CADM1: variants seen among roughly 807,000 people sequenced by gnomAD.
CADM1 encodes TSLC-1.
In CADM1, 15 loss-of-function variants were observed where a neutral mutation model predicts 53.1. The ratio of observed to expected loss-of-function variants is 0.28; its 90% CI spans 0.19 to 0.44. The LOEUF is 0.44. Among genes scored for constraint, CADM1 ranks in the 20% least tolerant of loss-of-function variants. The pLI is 1.00. For synonymous variants in CADM1, 281 were observed against 243.0 expected, an observed-to-expected ratio of 1.16 and a Z score of -1.45; for missense variants, 434 against 611.3, an observed-to-expected ratio of 0.71 and a Z score of 3.06.
chr11:115,425,724 C>A (rs1271813760), intron 1 of CADM1, among the ~76,000 whole-genome samples: 1 of 152,194 alleles, frequency 6.6e-6, no homozygotes, highest in African/African-American at 2.4e-5. Context: ...CTCTTCCAAA[C>A]CCACTGCATT....
chr11:115,218,829 CTG>C (rs1381035100), intron 5 of CADM1, among the ~76,000 whole-genome samples: 9 of 152,162 alleles, frequency 5.9e-5, no homozygotes. Context: ...CTACTTAAAA[CTG>C]TATTTGTCAG....
intron 8 of CADM1, among the ~76,000 whole-genome samples, chr11:115,199,355 TTTTG>T (rs891640895): frequency 1.3e-5 from 2 of 151,248 alleles, no homozygotes; most frequent in African/African-American, 4.9e-5. Context: ...AGTTTTTTGT[TTTTG>T]TTTTTTTCTT....
chr11:115,198,347 G>A (rs1940259971), intron 9 of CADM1, 59 bp downstream of exon 9: 1 of 1,322,620 alleles, frequency 7.6e-7, no homozygotes, highest in Non-Finnish European at 1.1e-6. Flanking sequence ...CTTTTTCCCA[G>A]GCTTGCCTTG....
At chr11:115,182,148 A>G (rs1260917731) in intron 10 of CADM1, among the ~76,000 whole-genome samples, 2 of 152,178 alleles carry the variant, frequency 1.3e-5, no homozygotes, top group Admixed American at 1.3e-4. Flanking sequence ...TCCTGGGGAC[A>G]TTCTCTTCAG....
At chr11:115,240,553 C>T (rs1591635145) in intron 1 of CADM1, 133 bp from the exon 2 acceptor site, 1 of 900,746 alleles carries the variant, frequency 1.1e-6, no homozygotes. Context: ...GGCTCTAATA[C>T]CTTTCTTTGT....
At chr11:115,388,819 C>G (rs1056876589) in intron 1 of CADM1, among the ~76,000 whole-genome samples, 1 of 152,040 alleles carries the variant, frequency 6.6e-6, no homozygotes, top group Non-Finnish European at 1.5e-5. Flanking sequence ...AGAGACATAA[C>G]AGCTAGATGC....
chr11:115,402,206 G>A (rs982413054), intron 1 of CADM1, among the ~76,000 whole-genome samples: 1 of 152,116 alleles, frequency 6.6e-6, no homozygotes, highest in Admixed American at 6.5e-5. Context: ...TCACAGACAA[G>A]GGAATTATAA....
chr11:115,446,373 A>G (rs980084140), intron 1 of CADM1, among the ~76,000 whole-genome samples: 1 of 152,176 alleles, frequency 6.6e-6, no homozygotes, highest in African/African-American at 2.4e-5. Flanking sequence ...TCTCACTAGC[A>G]CATCACACTG....
chr11:115,220,852 T>G (rs1363960824), intron 5 of CADM1, among the ~76,000 whole-genome samples: 1 of 152,132 alleles, frequency 6.6e-6, no homozygotes, highest in East Asian at 1.9e-4. Context: ...TAAGGGACAT[T>G]AAATTTTCCA....
intron 10 of CADM1, among the ~76,000 whole-genome samples, chr11:115,184,528 A>T (rs1939454220): frequency 6.6e-6 from 1 of 152,216 alleles, no homozygotes; most frequent in South Asian, 2.1e-4. Context: ...TCCCATTAAG[A>T]TGTTAATATA....
chr11:115,273,560 C>T (rs991159928), intron 1 of CADM1, among the ~76,000 whole-genome samples: 1 of 151,970 alleles, frequency 6.6e-6, no homozygotes, highest in African/African-American at 2.4e-5. Flanking sequence ...CATATTTAAC[C>T]AAAGAACTAG....
At chr11:115,330,116 G>A (rs1945093475) in intron 1 of CADM1, among the ~76,000 whole-genome samples, 1 of 151,820 alleles carries the variant, frequency 6.6e-6, no homozygotes, top group Admixed American at 6.6e-5. Flanking sequence ...GGGCTTGAGA[G>A]TGGGGCCTTT....
chr11:115,438,578 T>C (rs941135214), intron 1 of CADM1, among the ~76,000 whole-genome samples: 6 of 152,204 alleles, frequency 3.9e-5, no homozygotes, highest in Non-Finnish European at 8.8e-5. Flanking sequence ...CTTATTTTCA[T>C]AGCTCTAGAA....
chr11:115,320,845 C>A (rs2135187323), intron 1 of CADM1, among the ~76,000 whole-genome samples: 1 of 152,042 alleles, frequency 6.6e-6, no homozygotes. Flanking sequence ...GTGGGTTTTT[C>A]CAAAGAGAAT....
At chr11:115,230,867 A>T (rs1233357704) in intron 4 of CADM1, among the ~76,000 whole-genome samples, 1 of 152,252 alleles carries the variant, frequency 6.6e-6, no homozygotes, top group African/African-American at 2.4e-5. Flanking sequence ...TATAGTCAAC[A>T]CAGGTGATAG....
At position 115,354,279 on chromosome 11, in the gene CADM1, T is replaced by C. The variant is rs73578135; in HGVS notation, c.125-113859A>G. 8.5e-3 allele frequency among the ~76,000 whole-genome samples: 1,294 copies of C among 152,290 alleles called. 18 individuals are homozygous for C. Among genetic ancestry groups the C allele is most frequent in the African/African-American group, 0.028 (1,153 of 41,552 alleles). ...TCACGACTCTATAAATTAAGCATGA[T>C]TATTCATGTTTTCAAATTGAGTAAC... On this transcript the variant is annotated intron_variant, in intron 1 of 11. Transcript: ENST00000331581.
intron 1 of CADM1, among the ~76,000 whole-genome samples, chr11:115,457,473 A>C (rs1249527258): frequency 6.6e-6 from 1 of 152,190 alleles, no homozygotes; most frequent in Non-Finnish European, 1.5e-5. Context: ...AATACAAATG[A>C]GAAATTCATT....
intron 1 of CADM1, among the ~76,000 whole-genome samples, chr11:115,248,037 A>G (rs1185843606): frequency 6.6e-6 from 1 of 152,258 alleles, no homozygotes; most frequent in Non-Finnish European, 1.5e-5. Context: ...CTCTCCCAAG[A>G]GAATGATCTC....
chr11:115,504,154 G>T (rs1449052075), intron 1 of CADM1, 117 bp downstream of exon 1: 12 of 1,438,932 alleles, frequency 8.3e-6, no homozygotes, highest in South Asian at 1.3e-5. Context: ...CACTCCCTCC[G>T]CTTCGGATGT....
Sources: gnomAD v4.1 joint callset for allele counts (sites outside exome capture counted in the v4.1 genomes callset) on GRCh38, gnomAD v4.1.1 for gene constraint, MANE v1.5 for transcripts, NCBI Gene and HGNC (gene_info 2026-07-23, HGNC 2026-07-21) for gene names.